Variants in CCSER2 observed in about 807,000 individuals in gnomAD.
The protein encoded by CCSER2 is coiled-coil serine rich protein 2, also known as serine-rich coiled-coil domain-containing protein 2.
A neutral mutation model predicts 92.3 loss-of-function variants in CCSER2; 46 were observed. The observed-to-expected ratio is 0.50, with a 90% confidence interval of 0.39 to 0.64. CCSER2 has a LOEUF of 0.64. Among genes scored for constraint, CCSER2 ranks in the 30% least tolerant of loss-of-function variants. The pLI is 0.00. For synonymous variants in CCSER2, 433 were observed against 431.4 expected (o/e 1.00, Z -0.04); for missense variants, 1,244 against 1,238.9 (o/e 1.00, Z -0.06).
chr10:84,452,687 A>G (rs72842518), intron 6 of CCSER2, among the ~76,000 whole-genome samples: 19,281 of 152,202 alleles, frequency 0.13, 1,499 homozygotes, highest in Admixed American at 0.23. Context: ...TGTTTATGCA[A>G]AACACTTGGA....
chr10:84,490,696 TAGTTTGAAGA>T (rs1319202660), intron 9 of CCSER2, among the ~76,000 whole-genome samples: 1 of 152,228 alleles, frequency 6.6e-6, no homozygotes, highest in Non-Finnish European at 1.5e-5. Flanking sequence ...CTTCCTCCTT[TAGTTTGAAGA>T]AGTTTGATCT....
At chr10:84,374,101 C>A in intron 3 of CCSER2, 1 of 606,720 alleles carries the variant, frequency 1.6e-6, no homozygotes, top group Non-Finnish European at 2.5e-6. Context: ...TTCTCAAAGA[C>A]TGGGGGAGGA....
intron 9 of CCSER2, among the ~76,000 whole-genome samples, chr10:84,512,927 A>T (rs1414912816): frequency 3.3e-5 from 5 of 152,244 alleles, no homozygotes; most frequent in Non-Finnish European, 7.3e-5. Flanking sequence ...AGAATTTCAC[A>T]TAAACTGAGA....
At chr10:84,366,198 C>T (rs558507823) in intron 1 of CCSER2, among the ~76,000 whole-genome samples, 54 of 152,240 alleles carry the variant, frequency 3.5e-4, no homozygotes, top group African/African-American at 1.2e-3. Flanking sequence ...TTCGCCTCAG[C>T]TTCCCAAACT....
intron 9 of CCSER2, chr10:84,499,857 C>A: frequency 6.2e-7 from 1 of 1,613,448 alleles, no homozygotes; most frequent in Non-Finnish European, 8.5e-7. Context: ...CCTCCCTACC[C>A]CATCTCTCTC....
At chr10:84,438,030 A>G (rs988466574) in intron 5 of CCSER2, among the ~76,000 whole-genome samples, 1 of 152,212 alleles carries the variant, frequency 6.6e-6, no homozygotes, top group Non-Finnish European at 1.5e-5. Flanking sequence ...ATATAAAAAC[A>G]AAAAATTCAT....
chr10:84,502,973 C>G (rs1345322588), intron 9 of CCSER2, among the ~76,000 whole-genome samples: 1 of 151,978 alleles, frequency 6.6e-6, no homozygotes, highest in African/African-American at 2.4e-5. Flanking sequence ...GCCTGTAATC[C>G]CAGCACTTTG....
At chr10:84,355,657 C>G (rs559108680) in intron 1 of CCSER2, among the ~76,000 whole-genome samples, 1 of 152,300 alleles carries the variant, frequency 6.6e-6, no homozygotes, top group Admixed American at 6.5e-5. Context: ...TCATAATAGG[C>G]TTTCAATAAA....
chr10:84,406,487 A>T (rs1842384224), intron 3 of CCSER2, among the ~76,000 whole-genome samples: 2 of 152,160 alleles, frequency 1.3e-5, no homozygotes, highest in Admixed American at 1.3e-4. Flanking sequence ...GGAAGCACTG[A>T]CCCACCGTCT....
At chr10:84,487,578 G>T (rs1847885092) in intron 9 of CCSER2, among the ~76,000 whole-genome samples, 2 of 152,104 alleles carry the variant, frequency 1.3e-5, no homozygotes, top group African/African-American at 4.8e-5. Flanking sequence ...TGTGATTTTT[G>T]CACAATGATT....
At chr10:84,446,551 C>T (rs953836248) in intron 6 of CCSER2, among the ~76,000 whole-genome samples, 5 of 152,064 alleles carry the variant, frequency 3.3e-5, no homozygotes, top group African/African-American at 1.2e-4. Flanking sequence ...CCAGAGCATG[C>T]CTGTTTCCCT....
intron 1 of CCSER2, among the ~76,000 whole-genome samples, chr10:84,353,736 C>T (rs774746200): frequency 1.3e-5 from 2 of 152,132 alleles, no homozygotes; most frequent in African/African-American, 2.4e-5. Context: ...GCCTTCTTTT[C>T]CCCTTTAGCA....
At chr10:84,457,869 G>A (rs1295651241) in intron 6 of CCSER2, among the ~76,000 whole-genome samples, 1 of 151,128 alleles carries the variant, frequency 6.6e-6, no homozygotes, top group Non-Finnish European at 1.5e-5. Flanking sequence ...AGCCTCTGGA[G>A]TAGCTGGGAT....
chr10:84,440,727 G>A (rs1222116118), intron 6 of CCSER2, among the ~76,000 whole-genome samples: 1 of 152,178 alleles, frequency 6.6e-6, no homozygotes, highest in Non-Finnish European at 1.5e-5. Flanking sequence ...TTAATGAATG[G>A]CACACTGTTT....
intron 6 of CCSER2, among the ~76,000 whole-genome samples, chr10:84,445,937 A>G (rs960810879): frequency 5.9e-5 from 9 of 152,148 alleles, no homozygotes; most frequent in Admixed American, 4.6e-4. Flanking sequence ...TGGTGAACAT[A>G]TGTATGCATT....
chr10:84,429,872 G>GAA (rs76476227), intron 5 of CCSER2, among the ~76,000 whole-genome samples: 105 of 146,150 alleles, frequency 7.2e-4, no homozygotes, highest in African/African-American at 2.6e-3. Context: ...CAAAAAATTT[G>GAA]AAAAAAAAAA....
intron 6 of CCSER2, among the ~76,000 whole-genome samples, chr10:84,454,063 G>A (rs1188988305): frequency 6.6e-6 from 1 of 152,116 alleles, no homozygotes; most frequent in Non-Finnish European, 1.5e-5. Flanking sequence ...AGTTTATTCT[G>A]TCATAGTTCT....
At chr10:84,433,792 T>C (rs967173681) in intron 5 of CCSER2, among the ~76,000 whole-genome samples, 2 of 152,204 alleles carry the variant, frequency 1.3e-5, no homozygotes, top group Non-Finnish European at 2.9e-5. Context: ...ATCTTGTTGA[T>C]TTTATTGGCA....
chr10:84,429,600 G>A lies in CCSER2; in HGVS notation c.1868+3707G>A, dbSNP rs1335308067. ...TGTCTTCCACATGATGAGTCCCCCC[G>A]CCCTGCCACCACCACCCCCCCCAGC... On this transcript the variant is annotated intron_variant, in intron 5 of 9. Coordinates refer to ENST00000372088, the MANE Select transcript of CCSER2 (RefSeq NM_001284240.2). Among the ~76,000 whole-genome samples, 138 of 104,904 alleles carry A rather than the reference G, an allele frequency of 1.3e-3. 1 individual carries two copies. The highest frequency in any genetic ancestry group is 5.1e-3 in the African/African-American group (134 of 26,308). 68.8% of individuals were successfully genotyped at this position (104,904 alleles called of 152,430 possible).
Sources: allele counts gnomAD v4.1 joint callset (sites outside exome capture counted in the v4.1 genomes callset), GRCh38; gene constraint gnomAD v4.1.1; transcripts MANE v1.5; gene names NCBI Gene and HGNC (gene_info 2026-07-23, HGNC 2026-07-21).